Variants in NCAM1 observed in about 807,000 individuals in gnomAD.
The protein encoded by NCAM1 is antigen recognized by monoclonal antibody 5.1H11.
In NCAM1, 14 loss-of-function variants were observed where a neutral mutation model predicts 109.8. That is an observed-to-expected ratio of 0.13 (90% CI 0.08 to 0.20). NCAM1 has a LOEUF of 0.20. Ranked by LOEUF, NCAM1 falls within the 10% of genes least tolerant of loss-of-function variation. NCAM1 has a pLI of 1.00. For missense variants in NCAM1, 774 were observed against 1,109.9 expected (o/e 0.70, Z 4.30); for synonymous variants, 418 against 442.9 (o/e 0.94, Z 0.70).
chr11:113,277,594 G>C lies in NCAM1; in HGVS notation c.*2207G>C. On this transcript the variant is annotated 3_prime_UTR_variant, in exon 20 of 20. Transcript: ENST00000316851. ...ACTCAGTTCTTCATCTTGTAATGTC[G>C]ATGGCTTTGCCACACCAGGCCAAGC... The C allele has an allele frequency of 2.5e-6, 1 of 395,980 alleles. No individual in the cohort carries two copies. The allele number at this position is 395,980 out of a possible 1,614,324, so 24.5% of individuals were successfully genotyped here. A position where few individuals can be genotyped will look rare whatever the true frequency, so the allele number is the denominator to read the frequency against.
chr11:113,051,588 C>T (rs1342064068), intron 1 of NCAM1, among the ~76,000 whole-genome samples: 1 of 152,090 alleles, frequency 6.6e-6, no homozygotes, highest in Non-Finnish European at 1.5e-5. Context: ...TGTTTATGTA[C>T]AAACATATAT....
chr11:113,205,380 T>C (rs1445207466), intron 3 of NCAM1, 143 bp from the exon 4 acceptor site: 7 of 1,043,322 alleles, frequency 6.7e-6, no homozygotes, highest in Non-Finnish European at 9.2e-6. Context: ...CTGCCTGACG[T>C]CTCTGAGGGT....
chr11:113,243,672 A>G (rs973125918), intron 14 of NCAM1: 1 of 494,670 alleles, frequency 2.0e-6, no homozygotes, highest in South Asian at 1.5e-5. Flanking sequence ...GTATGCGTGC[A>G]TGTTCATAGT....
intron 14 of NCAM1, chr11:113,235,431 C>G: frequency 4.1e-6 from 3 of 723,166 alleles, no homozygotes; most frequent in East Asian, 3.1e-5. Context: ...GGGGAAGGCA[C>G]CAACACATTA....
At chr11:113,208,237 C>T (rs1430746010) in intron 7 of NCAM1, among the ~76,000 whole-genome samples, 4 of 152,174 alleles carry the variant, frequency 2.6e-5, no homozygotes, top group Non-Finnish European at 5.9e-5. Context: ...CCACTTCATT[C>T]ACTTCTGCTC....
chr11:113,122,502 C>T (rs537372361), intron 1 of NCAM1, among the ~76,000 whole-genome samples: 3 of 152,064 alleles, frequency 2.0e-5, no homozygotes, highest in East Asian at 1.9e-4. Flanking sequence ...AAAAGAAACT[C>T]GCCGGGCATG....
At chr11:113,153,540 T>C (rs1215394761) in intron 1 of NCAM1, among the ~76,000 whole-genome samples, 1 of 152,132 alleles carries the variant, frequency 6.6e-6, no homozygotes, top group Non-Finnish European at 1.5e-5. Flanking sequence ...CTGGCTTGGC[T>C]GTGTGGATAG....
At chr11:112,977,695 C>T (rs782634606) in intron 1 of NCAM1, among the ~76,000 whole-genome samples, 3 of 151,782 alleles carry the variant, frequency 2.0e-5, no homozygotes, top group Admixed American at 1.3e-4. Context: ...AGAGCTACAG[C>T]GCTTGGTGTT....
chr11:113,195,023 C>A (rs138018383), intron 1 of NCAM1, among the ~76,000 whole-genome samples: 1 of 152,174 alleles, frequency 6.6e-6, no homozygotes, highest in Non-Finnish European at 1.5e-5. Context: ...TGTTGTGAGC[C>A]AGCTTTAAGC....
chr11:113,083,152 T>C (rs781969743), intron 1 of NCAM1, among the ~76,000 whole-genome samples: 5 of 152,004 alleles, frequency 3.3e-5, no homozygotes, highest in Non-Finnish European at 7.4e-5. Flanking sequence ...CTCCTGGCCA[T>C]GTGGTGGGGT....
At chr11:112,972,688 G>C (rs13328864) in intron 1 of NCAM1, among the ~76,000 whole-genome samples, 1 of 151,980 alleles carries the variant, frequency 6.6e-6, no homozygotes, top group South Asian at 2.1e-4. Context: ...CAGTACTAAG[G>C]GTGGTTAAAA....
chr11:113,274,605 G>T lies in NCAM1; in HGVS notation c.2457-662G>T. Among the ~76,000 whole-genome samples, 1 of 152,210 alleles carries T rather than the reference G, an allele frequency of 6.6e-6. No homozygotes were observed. Among genetic ancestry groups the T allele is most frequent in the East Asian group, 1.9e-4 (1 of 5,188 alleles). Reference sequence around the variant, plus strand: ...TGAATCTCAGCATCGGGAGGGAAAAGGACTCTGATAGCCCTGCCCACTCAG... The same window carrying T: ...TGAATCTCAGCATCGGGAGGGAAAATGACTCTGATAGCCCTGCCCACTCAG... On this transcript the variant is annotated intron_variant, in intron 19 of 19. Transcript: ENST00000316851. The surrounding 1 kb of genome is among the most constrained non-coding windows in gnomAD (Gnocchi z 4.1).
Position 113,270,281 on chromosome 11 carries a change from C to T in NCAM1, c.2225C>T (p.Thr742Ile). The T allele has an allele frequency of 1.2e-6, 2 of 1,614,050 alleles. No homozygotes were observed. Among genetic ancestry groups the T allele is most frequent in the South Asian group, 1.1e-5 (1 of 91,088 alleles). ...CTGCTCCTGGTGGTTGTGGACATCA[C>T]CTGCTACTTCCTGAACAAGTGTGGC... ...FVLLLVVVDI[T>I]CYFLNKCGLF... is the part of the protein sequence containing the mutation. The change falls in exon 18 of 20, where the codon ACC becomes ATC. Residue 742 changes from threonine to isoleucine, a missense_variant. Thr to Ile is a moderately conservative substitution (Grantham distance 89, BLOSUM62 -1). Around this residue, in one of 4 missense-constraint regions of NCAM1, gnomAD observed 523 missense variants for 784.2 expected, o/e 0.67. Transcript: ENST00000316851.
Position 113,246,642 on chromosome 11 carries a change from G to T in NCAM1, c.1828+272G>T, listed in dbSNP as rs144175040. ...ACCCACATTAGCCACAGCACAGTTT[G>T]CAAACTTGAATTTTTACCAGATGGT... On this transcript the variant is annotated intron_variant, in intron 15 of 19. Coordinates refer to ENST00000316851, the MANE Select transcript of NCAM1 (RefSeq NM_181351.5). 2.2e-4 allele frequency among the ~76,000 whole-genome samples: 34 copies of T among 152,284 alleles called. No homozygotes were observed. The East Asian group carries it at 6.2e-3, about 28-fold the overall frequency.
At chr11:113,111,045 A>T (rs1348412009) in intron 1 of NCAM1, among the ~76,000 whole-genome samples, 1 of 152,216 alleles carries the variant, frequency 6.6e-6, no homozygotes, top group Non-Finnish European at 1.5e-5. Flanking sequence ...CATCGAATCT[A>T]AAAGATGATA....
chr11:113,255,021 G>A (rs1015597566), intron 15 of NCAM1, among the ~76,000 whole-genome samples: 19 of 152,076 alleles, frequency 1.2e-4, no homozygotes, highest in Non-Finnish European at 2.2e-4. Context: ...CTTCCTTCTC[G>A]ACCTTGGATT....
rs1425534010 is a variant in NCAM1 at position 113,117,285 on chromosome 11, T to G, written c.53-85094T>G. Among the ~76,000 whole-genome samples the G allele has an allele frequency of 2.6e-5, 4 of 152,014 alleles. No individual in the cohort carries two copies. In the East Asian group the frequency reaches 7.7e-4, roughly 29 times the overall value. ...GATCTAAGTTATTCACAATTTAGTG[T>G]CCTTTCCACTGCAGGGGTCTTCAGA... On this transcript the variant is annotated intron_variant, in intron 1 of 19. Transcript: ENST00000316851.
At chr11:113,045,858 T>G (rs1953252098) in intron 1 of NCAM1, among the ~76,000 whole-genome samples, 1 of 152,090 alleles carries the variant, frequency 6.6e-6, no homozygotes, top group Middle Eastern at 3.2e-3. Context: ...TTTTTTTTTC[T>G]TAAATTGGCT....
chr11:113,049,227 G>A (rs1555081385), intron 1 of NCAM1, among the ~76,000 whole-genome samples: 6 of 151,762 alleles, frequency 4.0e-5, no homozygotes, highest in Non-Finnish European at 8.8e-5. Flanking sequence ...AAAATGGCTA[G>A]TTTTATGTTA....
Sources: gnomAD v4.1 joint callset for allele counts (sites outside exome capture counted in the v4.1 genomes callset) on GRCh38, gnomAD v4.1.1 for gene constraint, gnomAD v4.1.1 regional missense constraint, Gnocchi (gnomAD v3.1) non-coding constraint, MANE v1.5 for transcripts, NCBI Gene and HGNC (gene_info 2026-07-23, HGNC 2026-07-21) for gene names.